The following PCSK5 variants were observed in gnomAD, a reference collection of about 807,000 sequenced individuals.
PCSK5 encodes prohormone convertase 5.
In PCSK5, 129 loss-of-function variants were observed where a neutral mutation model predicts 233.2. That is an observed-to-expected ratio of 0.55 (90% CI 0.48 to 0.64). The LOEUF is 0.64. Ranked by LOEUF, PCSK5 falls within the 30% of genes least tolerant of loss-of-function variation. PCSK5 has a pLI of 0.00. For missense variants in PCSK5, 2,076 were observed against 2,430.1 expected (o/e 0.85, Z 3.06); for synonymous variants, 825 against 879.2 (o/e 0.94, Z 1.09).
chr9:75,946,016 A>G (rs758774165), intron 2 of PCSK5, among the ~76,000 whole-genome samples: 9 of 152,242 alleles, frequency 5.9e-5, no homozygotes, highest in Non-Finnish European at 1.0e-4. Context: ...ATTCTAGGAT[A>G]CAAATTCAAT....
intron 3 of PCSK5, among the ~76,000 whole-genome samples, chr9:76,014,994 A>T (rs1827889180): frequency 6.6e-6 from 1 of 152,198 alleles, no homozygotes; most frequent in Non-Finnish European, 1.5e-5. Flanking sequence ...GAGATTTATC[A>T]TGAAGGATTG....
intron 5 of PCSK5, among the ~76,000 whole-genome samples, chr9:76,065,746 C>T (rs963315892): frequency 7.2e-5 from 11 of 152,220 alleles, no homozygotes; most frequent in Non-Finnish European, 1.3e-4. Context: ...TGTCCCAAAG[C>T]ATTTCTTCAA....
intron 7 of PCSK5, among the ~76,000 whole-genome samples, chr9:76,087,491 C>T (rs576726639): frequency 2.0e-5 from 3 of 152,286 alleles, no homozygotes; most frequent in South Asian, 4.2e-4. Flanking sequence ...TTCAGTGCAA[C>T]GTGCTCTCCA....
chr9:76,181,270 G>C (rs908916360), intron 15 of PCSK5, 128 bp from the exon 16 acceptor site: 1 of 690,458 alleles, frequency 1.4e-6, no homozygotes. Flanking sequence ...CTCTGGATGT[G>C]GTGTTGGCAT....
intron 12 of PCSK5, among the ~76,000 whole-genome samples, chr9:76,165,808 T>A (rs1045016555): frequency 6.6e-6 from 1 of 152,234 alleles, no homozygotes. Context: ...ATGTGTCTGA[T>A]CTCTTCACTG....
intron 6 of PCSK5, 109 bp downstream of exon 6, chr9:76,068,152 A>G: frequency 2.8e-6 from 2 of 708,982 alleles, no homozygotes; most frequent in Non-Finnish European, 5.0e-6. Flanking sequence ...GCATATCTCT[A>G]CCTAATAGTG....
At chr9:75,907,395 A>G (rs1443025549) in intron 1 of PCSK5, among the ~76,000 whole-genome samples, 1 of 152,200 alleles carries the variant, frequency 6.6e-6, no homozygotes, top group Non-Finnish European at 1.5e-5. Flanking sequence ...TCAGTAGTGC[A>G]TTGTTTATTC....
At chr9:76,338,557 C>T (rs1829744812) in intron 35 of PCSK5, 110 bp downstream of exon 35, 11 of 718,056 alleles carry the variant, frequency 1.5e-5, no homozygotes, top group Admixed American at 9.1e-5. Context: ...TCTTGCTTCC[C>T]TACCTCGTGT....
chr9:76,338,075 G>T (rs1211752932), intron 34 of PCSK5, among the ~76,000 whole-genome samples, 155 bp from the exon 35 acceptor site: 1 of 152,182 alleles, frequency 6.6e-6, no homozygotes, highest in Non-Finnish European at 1.5e-5. Context: ...GGAATCATTG[G>T]ATTCATTAGT....
At chr9:75,908,005 A>G (rs1822477245) in intron 1 of PCSK5, among the ~76,000 whole-genome samples, 1 of 152,232 alleles carries the variant, frequency 6.6e-6, no homozygotes, top group Non-Finnish European at 1.5e-5. Context: ...AAATCCAGAG[A>G]GAAGGAGGGA....
chr9:76,185,700 CAAAGCAGTAT>C (rs1336916644), intron 17 of PCSK5, among the ~76,000 whole-genome samples: 1 of 152,064 alleles, frequency 6.6e-6, no homozygotes, highest in Non-Finnish European at 1.5e-5. Flanking sequence ...GGAGAAGGAG[CAAAGCAGTAT>C]AATAGAAGGA....
In PCSK5 at chr9:75,942,882, C is replaced by CTTT. The variant is rs35508069; in HGVS notation, c.297+10401_297+10402insTTT. ...TTGTTGTGGTATTTCTTTTCTTCTT[C>CTTT]TTCTTTTTTTTTTTTTTTTTGAGAT... On this transcript the variant is annotated intron_variant, in intron 2 of 37. Coordinates refer to ENST00000674117, the MANE Select transcript of PCSK5 (RefSeq NM_001372043.1). Among the ~76,000 whole-genome samples, 649 of 112,862 alleles carry CTTT rather than the reference C, an allele frequency of 5.8e-3. 21 individuals are homozygous for CTTT. The highest frequency in any genetic ancestry group is 0.012 in the African/African-American group (363 of 30,456). The allele number at this position is 112,862 out of a possible 152,430, so 74.0% of individuals were successfully genotyped here.
intron 14 of PCSK5, among the ~76,000 whole-genome samples, chr9:76,179,182 T>C (rs1429548631): frequency 6.6e-6 from 1 of 152,184 alleles, no homozygotes; most frequent in East Asian, 1.9e-4. Context: ...GGTCCAGGCG[T>C]TAAATAATAA....
Position 76,032,605 on chromosome 9 carries a change from G to A in PCSK5, c.632+5568G>A, listed in dbSNP as rs1052902478. On this transcript the variant is annotated intron_variant, in intron 5 of 37. Transcript: ENST00000674117. The stretch of plus-strand genomic sequence containing the variant: ...AAATAACTGATGCTAAAGAAATAGC[G>A]TGATTAGAGGAGATCATAAAAACCC... 6.6e-5 allele frequency among the ~76,000 whole-genome samples: 10 copies of A among 152,138 alleles called. No homozygotes were observed. In the East Asian group the frequency reaches 7.7e-4, roughly 12 times the overall value.
chr9:76,088,859 C>T (rs1463796125), intron 7 of PCSK5, among the ~76,000 whole-genome samples: 3 of 151,162 alleles, frequency 2.0e-5, no homozygotes, highest in Non-Finnish European at 2.9e-5. Context: ...CTGGAACAAA[C>T]GTTTTGTGTG....
chr9:76,055,575 A>G (rs1365160783), intron 5 of PCSK5, among the ~76,000 whole-genome samples: 1 of 152,136 alleles, frequency 6.6e-6, no homozygotes, highest in Non-Finnish European at 1.5e-5. Flanking sequence ...AGGTTCAGTA[A>G]AATATACTAT....
At chr9:75,908,875 T>C (rs7034052) in intron 1 of PCSK5, among the ~76,000 whole-genome samples, 4,614 of 115,898 alleles carry the variant, frequency 0.04, 144 homozygotes, top group African/African-American at 0.084. Flanking sequence ...CTCTTTCTAT[T>C]TATCTATCTA....
chr9:75,910,256 A>G (rs1822666533), intron 1 of PCSK5, among the ~76,000 whole-genome samples: 1 of 152,208 alleles, frequency 6.6e-6, no homozygotes. Context: ...GATACTCTGG[A>G]TAAGAACCCC....
At chr9:76,265,397 A>G (rs1827304137) in intron 24 of PCSK5, among the ~76,000 whole-genome samples, 2 of 152,250 alleles carry the variant, frequency 1.3e-5, no homozygotes, top group East Asian at 1.9e-4. Flanking sequence ...ATTGAAAATA[A>G]AAGTTGAAAA....
Sources: gnomAD v4.1 joint callset for allele counts (sites outside exome capture counted in the v4.1 genomes callset) on GRCh38, gnomAD v4.1.1 for gene constraint, MANE v1.5 for transcripts, NCBI Gene and HGNC (gene_info 2026-07-23, HGNC 2026-07-21) for gene names.